FBN2: variants seen among roughly 807,000 people sequenced by gnomAD.
FBN2 encodes fibrillin-2.
In FBN2, 105 loss-of-function variants were observed where a neutral mutation model predicts 355.6. The ratio of observed to expected loss-of-function variants is 0.30; its 90% CI spans 0.25 to 0.35. The LOEUF (loss-of-function observed/expected upper bound fraction) is 0.35. Among genes scored for constraint, FBN2 ranks in the 10% least tolerant of loss-of-function variants. The pLI, the probability that FBN2 is intolerant of heterozygous loss-of-function variation, is 1.00. For synonymous variants in FBN2, 1,350 were observed against 1,301.2 expected (o/e 1.04, Z -0.81); for missense variants, 3,280 against 3,758.7 (o/e 0.87, Z 3.33).
Position 128,339,106 on chromosome 5 carries a change from G to T in FBN2, c.3344-45C>A, listed in dbSNP as rs145050744. 2,967 of 1,606,620 alleles carry T rather than the reference G, an allele frequency of 1.8e-3. 12 individuals carry two copies. The highest frequency in any genetic ancestry group is 4.7e-3 in the South Asian group (423 of 90,898). ...AGAAATTTAAAAATTGAATGAGATA[G>T]ACTTGGCCTTCCAAGCGAAGGTGCT... On this transcript the variant is annotated intron_variant, in intron 25 of 64. Coordinates refer to ENST00000262464, the MANE Select transcript of FBN2 (RefSeq NM_001999.4).
Position 128,339,073 on chromosome 5 carries a change from G to C in FBN2, c.3344-12C>G. On this transcript the variant is annotated splice_polypyrimidine_tract_variant and intron_variant, in intron 25 of 64. Transcript: ENST00000262464. ...GCACTCGTCGATGTCTAATTCACAG[G>C]GTTTAAAAGAAATTTAAAAATTGAA... 1 of 1,613,400 alleles carries C rather than the reference G, an allele frequency of 6.2e-7. No homozygotes were observed. The highest frequency in any genetic ancestry group is 1.1e-5 in the South Asian group (1 of 91,066).
chr5:128,272,964 C>T (rs1415063174), intron 61 of FBN2, among the ~76,000 whole-genome samples: 1 of 151,984 alleles, frequency 6.6e-6, no homozygotes, highest in Non-Finnish European at 1.5e-5. Context: ...TTTTTCTTTG[C>T]TGAAAATGAG....
At chr5:128,299,512 T>C (rs1004310319) in intron 48 of FBN2, among the ~76,000 whole-genome samples, 9 of 151,422 alleles carry the variant, frequency 5.9e-5, no homozygotes, top group Non-Finnish European at 1.3e-4. Flanking sequence ...ATGTGCGGGA[T>C]ATAATCTCCT....
Position 128,289,254 on chromosome 5 carries a change from T to C in FBN2, c.6512-2A>G, listed in dbSNP as rs863223580. On this transcript the variant is annotated splice_acceptor_variant, in intron 51 of 64. Transcript: ENST00000262464. LOFTEE classifies it high-confidence loss of function. ...GGCTCTCAAGACACTCATTGACATC[T>C]AAAATATAGAACTGCATGTGAATTT... 6.2e-7 allele frequency: 1 copy of C among 1,613,790 alleles called. No homozygotes were observed. Among genetic ancestry groups the C allele is most frequent in the Non-Finnish European group, 8.5e-7 (1 of 1,179,746 alleles).
chr5:128,303,236 G>C, intron 45 of FBN2, 147 bp from the exon 46 acceptor site: 3 of 651,034 alleles, frequency 4.6e-6, no homozygotes, highest in Non-Finnish European at 5.5e-6. Context: ...AAATGAGTAA[G>C]AGATACGGAA....
At position 128,287,199 on chromosome 5, in the gene FBN2, A is replaced by G. The variant is rs1205294137; in HGVS notation, c.6880+109T>C. 6 of 1,261,240 alleles carry G rather than the reference A, an allele frequency of 4.8e-6. No homozygotes were observed. In the South Asian group the frequency reaches 6.0e-5, roughly 13 times the overall value. The allele number at this position is 1,261,240 out of a possible 1,614,324, so 78.1% of individuals were successfully genotyped here. A position where few individuals can be genotyped will look rare whatever the true frequency, so the allele number is the denominator to read the frequency against. On this transcript the variant is annotated intron_variant, in intron 54 of 64. Transcript: ENST00000262464. ...CTACTAGCAAAATGCTGTCATATAT[A>G]TATTTCTGTAAAGCTCTAGAAGAAA...
At chr5:128,330,800 C>A in intron 32 of FBN2, 105 bp from the exon 33 acceptor site, 1 of 1,275,286 alleles carries the variant, frequency 7.8e-7, no homozygotes, top group East Asian at 2.5e-5. Context: ...AAATGACAGG[C>A]ATTTTAGTTT....
At position 128,338,972 on chromosome 5, in the gene FBN2, C is replaced by T. The variant is rs751921900; in HGVS notation, c.3433G>A (p.Gly1145Ser). ...ATCATCATGAAGCCACTTTCATAGC[C>T]TTCGAAGCACTCGCACTCAAAGCTG... is the stretch of plus-strand genomic sequence containing the variant. The part of the protein sequence containing the change: ...PGSFECECFE[G>S]YESGFMMMKN... The change falls in exon 26 of 65, where the codon GGC becomes AGC. Residue 1145 changes from glycine (G) to serine (S), a missense_variant. Gly to Ser is a moderately conservative substitution (Grantham distance 56). Coordinates refer to ENST00000262464, the MANE Select transcript of FBN2 (RefSeq NM_001999.4). The T allele has an allele frequency of 6.2e-7, 1 of 1,614,124 alleles. No homozygotes were observed. The highest frequency in any genetic ancestry group is 1.1e-5 in the South Asian group (1 of 91,080).
intron 5 of FBN2, among the ~76,000 whole-genome samples, chr5:128,516,077 C>T (rs1002842561): frequency 1.3e-5 from 2 of 152,142 alleles, no homozygotes; most frequent in African/African-American, 4.8e-5. Context: ...CAAGTAATCA[C>T]CTATTTGGTT....
chr5:128,474,250 C>T (rs1198135556), intron 5 of FBN2, among the ~76,000 whole-genome samples: 2 of 152,100 alleles, frequency 1.3e-5, no homozygotes, highest in East Asian at 1.9e-4. Context: ...AGAAGGATAT[C>T]GTCACTTTTG....
In FBN2 at chr5:128,314,442, C is replaced by T. The variant is rs901578935; in HGVS notation, c.4718-1647G>A. Among the ~76,000 whole-genome samples the T allele has an allele frequency of 8.5e-5, 13 of 152,198 alleles. 1 individual carries two copies. Among genetic ancestry groups the T allele is most frequent in the South Asian group, 8.3e-4 (4 of 4,812 alleles). On this transcript the variant is annotated intron_variant, in intron 36 of 64. Transcript: ENST00000262464. ...AAGTGATTCTCCTGCCTCAGCCTCCCGAGTAGCTGGGACTACAGGTGCCTG... is the reference window on the plus strand; with the variant it reads ...AAGTGATTCTCCTGCCTCAGCCTCCTGAGTAGCTGGGACTACAGGTGCCTG...
rs1750735396 is a variant in FBN2 at position 128,333,040 on chromosome 5, A to G, written c.4100-6T>C. The G allele has an allele frequency of 6.2e-7, 1 of 1,609,686 alleles. No homozygotes were observed. The highest frequency in any genetic ancestry group is 8.5e-7 in the Non-Finnish European group (1 of 1,176,070). On this transcript the variant is annotated splice_polypyrimidine_tract_variant and splice_region_variant and intron_variant, in intron 31 of 64. Coordinates refer to ENST00000262464, the MANE Select transcript of FBN2 (RefSeq NM_001999.4). ...AATTTCACACTCATCCACATCTGAT[A>G]AACCATAATTCATAAGAAGAAAATC...
rs1765434185 is a variant in FBN2 at position 128,277,864 on chromosome 5, AGGT to A, written c.7471+13_7471+15del. 6.2e-7 allele frequency: 1 copy of A among 1,613,954 alleles called. No homozygotes were observed. The highest frequency in any genetic ancestry group is 1.3e-5 in the African/African-American group (1 of 74,930). On this transcript the variant is annotated intron_variant, in intron 58 of 64. Coordinates refer to ENST00000262464, the MANE Select transcript of FBN2 (RefSeq NM_001999.4). ...TTAGCCCCCAAACCCCTGGATATAGAGGTGCCCATCGTTACCTATACAAGAGGT... is the reference window on the plus strand; with the variant it reads ...TTAGCCCCCAAACCCCTGGATATAGAGCCCATCGTTACCTATACAAGAGGT...
intron 35 of FBN2, 42 bp from the exon 36 acceptor site, chr5:128,318,313 T>C (rs755416332): frequency 6.2e-7 from 1 of 1,611,674 alleles, no homozygotes. Context: ...CATTTTTACT[T>C]TTTCTGTGCA....
In FBN2 at chr5:128,309,376, G is replaced by A. The variant is rs1178371653; in HGVS notation, c.5224C>T (p.Arg1742Ter). 1.9e-6 allele frequency: 3 copies of A among 1,613,658 alleles called. No individual in the cohort carries two copies. The highest frequency in any genetic ancestry group is 2.5e-6 in the Non-Finnish European group (3 of 1,179,818). ...TCACAAGTGGTTCCATTATAGCTTC[G>A]GTAGCAAAAGCTTTTTCTCATGTCT... ...CMDMRKSFCYRSYNGTTCENE... is the reference protein window; with the variant it reads ...CMDMRKSFCY The change falls in exon 41 of 65, where the codon CGA (arginine) becomes TGA (stop). Residue 1742 changes from arginine to a stop codon, truncating the protein, a stop_gained. Coordinates refer to ENST00000262464, the MANE Select transcript of FBN2 (RefSeq NM_001999.4). LOFTEE classifies it high-confidence loss of function.
intron 5 of FBN2, among the ~76,000 whole-genome samples, chr5:128,479,932 C>G (rs948259643): frequency 2.9e-4 from 13 of 44,302 alleles, no homozygotes; most frequent in Non-Finnish European, 4.6e-4. Context: ...GTCTCCTTGT[C>G]TCTCTCTCTC....
At chr5:128,466,777 T>C (rs759686999) in intron 5 of FBN2, among the ~76,000 whole-genome samples, 4 of 152,178 alleles carry the variant, frequency 2.6e-5, no homozygotes, top group Non-Finnish European at 5.9e-5. Flanking sequence ...AGTCTCGTTT[T>C]TGAAAAAGAT....
At chr5:128,328,621 G>A (rs1750615781) in intron 34 of FBN2, 75 bp downstream of exon 34, 2 of 1,524,450 alleles carry the variant, frequency 1.3e-6, no homozygotes, top group Non-Finnish European at 1.8e-6. Context: ...GGTGGAGCTT[G>A]TTCCAGCCCT....
chr5:128,287,474 A>G, intron 53 of FBN2, 44 bp from the exon 54 acceptor site: 1 of 1,610,456 alleles, frequency 6.2e-7, no homozygotes, highest in South Asian at 1.1e-5. Context: ...CTAGAGTTCT[A>G]ATTATTTGTG....
Sources: allele counts gnomAD v4.1 joint callset (sites outside exome capture counted in the v4.1 genomes callset), GRCh38; gene constraint gnomAD v4.1.1; transcripts MANE v1.5; gene names NCBI Gene and HGNC (gene_info 2026-07-23, HGNC 2026-07-21).